The following CTNNA2 variants were observed in gnomAD, a reference collection of about 807,000 sequenced individuals.
CTNNA2 encodes the protein catenin alpha-2.
A neutral mutation model predicts 101.0 loss-of-function variants in CTNNA2; 42 were observed. That is an observed-to-expected ratio of 0.42 (90% CI 0.32 to 0.54). The LOEUF (loss-of-function observed/expected upper bound fraction) is 0.54, where lower values mean the gene tolerates loss of function less well. Among genes scored for constraint, CTNNA2 ranks in the 20% least tolerant of loss-of-function variants. The pLI is 0.14. For synonymous variants in CTNNA2, 450 were observed against 456.4 expected, an observed-to-expected ratio of 0.99 and a Z score of 0.18; for missense variants, 871 against 1,223.1, an observed-to-expected ratio of 0.71 and a Z score of 4.29.
chr2:79,988,799 T>C (rs779598732), intron 7 of CTNNA2, among the ~76,000 whole-genome samples: 2 of 152,198 alleles, frequency 1.3e-5, no homozygotes, highest in African/African-American at 2.4e-5. Flanking sequence ...TAAAGTGATA[T>C]GTACAAGAAG....
chr2:79,947,627 T>G (rs1265549735), intron 7 of CTNNA2, among the ~76,000 whole-genome samples: 1 of 152,202 alleles, frequency 6.6e-6, no homozygotes, highest in African/African-American at 2.4e-5. Flanking sequence ...AATAAGCACT[T>G]GTCAGATGTT....
chr2:79,504,539 C>T (rs1453751206), intron 4 of CTNNA2, among the ~76,000 whole-genome samples: 1 of 152,172 alleles, frequency 6.6e-6, no homozygotes, highest in Non-Finnish European at 1.5e-5. Flanking sequence ...ATCTGCCTGC[C>T]TCAGCCTCCC....
chr2:80,522,713 C>T (rs762553333), intron 9 of CTNNA2, among the ~76,000 whole-genome samples: 7 of 152,048 alleles, frequency 4.6e-5, no homozygotes, highest in Non-Finnish European at 1.0e-4. Context: ...TCTTGCCAGC[C>T]ACGTGAAGAC....
chr2:80,332,260 A>G (rs1287395335), intron 7 of CTNNA2, among the ~76,000 whole-genome samples: 1 of 152,190 alleles, frequency 6.6e-6, no homozygotes, highest in Admixed American at 6.5e-5. Flanking sequence ...AGGCATTACT[A>G]TATTAAGTCC....
chr2:80,146,425 G>A (rs1213164880), intron 7 of CTNNA2, among the ~76,000 whole-genome samples: 1 of 152,112 alleles, frequency 6.6e-6, no homozygotes, highest in Non-Finnish European at 1.5e-5. Flanking sequence ...ACTTTCTGCT[G>A]ATTAGGAAGT....
rs558646888 is a variant in CTNNA2 at position 80,101,795 on chromosome 2, C to G, written c.1056+191998C>G. Among the ~76,000 whole-genome samples the G allele has an allele frequency of 2.6e-4, 39 of 152,240 alleles. 2 individuals carry two copies. Among genetic ancestry groups the G allele is most frequent in the African/African-American group, 9.4e-4 (39 of 41,556 alleles). ...TTAGAGATACACCAGACAATGGAAT[C>G]TTCTTTGTTCTTGAGTTTCAAGTAC... On this transcript the variant is annotated intron_variant, in intron 7 of 18. Coordinates refer to ENST00000402739, the MANE Select transcript of CTNNA2 (RefSeq NM_001282597.3).
intron 7 of CTNNA2, among the ~76,000 whole-genome samples, chr2:79,978,601 G>T (rs1037433132): frequency 6.6e-6 from 1 of 152,108 alleles, no homozygotes; most frequent in Admixed American, 6.5e-5. Flanking sequence ...CAGTCTAGAA[G>T]CCTTAAGTAG....
chr2:79,386,126 G>C (rs1678103098), intron 4 of CTNNA2, among the ~76,000 whole-genome samples: 1 of 152,160 alleles, frequency 6.6e-6, no homozygotes, highest in Non-Finnish European at 1.5e-5. Flanking sequence ...CACAATGGTT[G>C]AACTAATTTA....
At chr2:79,845,117 AACTG>A (rs553644396) in intron 3 of CTNNA2, among the ~76,000 whole-genome samples, 134 of 149,856 alleles carry the variant, frequency 8.9e-4, no homozygotes, top group South Asian at 8.0e-3. Flanking sequence ...CTTTTATGAT[AACTG>A]ACTAAGTACC....
rs1702132775 is a variant in CTNNA2 at position 80,126,617 on chromosome 2, TCCCTCCCTCCCTC to T, written c.1056+216823_1056+216835del. On this transcript the variant is annotated intron_variant, in intron 7 of 18. Coordinates refer to ENST00000402739, the MANE Select transcript of CTNNA2 (RefSeq NM_001282597.3). Reference sequence around the variant, plus strand: ...CTCCCTCCCTCCCTCCCTCCCTCCCTCCCTCCCTCCCTCCCTCCCTTCCTTCCTTCCTTCCTTC... The same window carrying T: ...CTCCCTCCCTCCCTCCCTCCCTCCCTCCTCCCTTCCTTCCTTCCTTCCTTC... Among the ~76,000 whole-genome samples, 38 of 39,132 alleles carry T rather than the reference TCCCTCCCTCCCTC, an allele frequency of 9.7e-4. 1 individual carries two copies. The highest frequency in any genetic ancestry group is 3.6e-3 in the African/African-American group (35 of 9,638). 25.7% of individuals were successfully genotyped at this position (39,132 alleles called of 152,430 possible). A position where few individuals can be genotyped will look rare whatever the true frequency, so the allele number is the denominator to read the frequency against.
At chr2:80,645,725 G>A (rs1674009981) in intron 18 of CTNNA2, among the ~76,000 whole-genome samples, 1 of 150,750 alleles carries the variant, frequency 6.6e-6, no homozygotes, top group East Asian at 1.9e-4. Flanking sequence ...ATAACCTAGA[G>A]TTTGCTTTTC....
chr2:79,466,738 G>A (rs1558673641), intron 4 of CTNNA2, among the ~76,000 whole-genome samples: 2 of 152,220 alleles, frequency 1.3e-5, no homozygotes, highest in Admixed American at 6.5e-5. Context: ...CTGTACTGCA[G>A]CCTCTGCTGC....
chr2:79,989,514 G>A (rs1430141758), intron 7 of CTNNA2, among the ~76,000 whole-genome samples: 1 of 152,104 alleles, frequency 6.6e-6, no homozygotes, highest in Non-Finnish European at 1.5e-5. Flanking sequence ...ATGCACCTGT[G>A]TAGTCCCAGT....
intron 2 of CTNNA2, among the ~76,000 whole-genome samples, chr2:79,271,824 C>T (rs1675090426): frequency 6.6e-6 from 1 of 152,010 alleles, no homozygotes; most frequent in Non-Finnish European, 1.5e-5. Context: ...CAACATCTCT[C>T]CATTACCCTT....
intron 1 of CTNNA2, chr2:79,575,560 C>A (rs1675741969): frequency 6.6e-6 from 1 of 152,264 alleles, no homozygotes; most frequent in Non-Finnish European, 1.5e-5. Flanking sequence ...ACAGTGGCTT[C>A]AGGAAGGTGG....
At chr2:80,006,108 C>T (rs981607282) in intron 7 of CTNNA2, among the ~76,000 whole-genome samples, 4 of 151,998 alleles carry the variant, frequency 2.6e-5, no homozygotes, top group Admixed American at 2.0e-4. Context: ...GATATAGTAG[C>T]TTCCTAATAT....
At position 80,400,181 on chromosome 2, in the gene CTNNA2, C is replaced by T. The variant is rs189659319; in HGVS notation, c.1137+6890C>T. Among the ~76,000 whole-genome samples, 4 of 152,262 alleles carry T rather than the reference C, an allele frequency of 2.6e-5. No homozygotes were observed. In the South Asian group the frequency reaches 8.3e-4, roughly 32 times the overall value. ...CAGCTTGTAGCCAAATATATCTGTT[C>T]CATTTGACCCCTCCTTGCTGAGGTT... On this transcript the variant is annotated intron_variant, in intron 8 of 18. Coordinates refer to ENST00000402739, the MANE Select transcript of CTNNA2 (RefSeq NM_001282597.3).
intron 7 of CTNNA2, among the ~76,000 whole-genome samples, chr2:79,910,180 T>G (rs185554261): frequency 6.6e-6 from 1 of 152,302 alleles, no homozygotes; most frequent in African/African-American, 2.4e-5. Context: ...AACCTAAGGA[T>G]AGCTGTAGAT....
At chr2:80,460,490 C>T (rs1684335415) in intron 9 of CTNNA2, among the ~76,000 whole-genome samples, 2 of 152,102 alleles carry the variant, frequency 1.3e-5, no homozygotes, top group Non-Finnish European at 2.9e-5. Context: ...GCTGGAGAAG[C>T]AGTTAGTAAA....
Sources: allele counts gnomAD v4.1 joint callset (sites outside exome capture counted in the v4.1 genomes callset), GRCh38; gene constraint gnomAD v4.1.1; transcripts MANE v1.5; gene names NCBI Gene and HGNC (gene_info 2026-07-23, HGNC 2026-07-21).